Variants in GLIS3 observed in about 807,000 individuals in gnomAD.
The protein encoded by GLIS3 is zinc finger protein GLIS3.
Under a neutral mutation model 78.6 loss-of-function variants are expected in GLIS3, and 53 were observed. The ratio of observed to expected loss-of-function variants is 0.67; its 90% CI spans 0.54 to 0.85. The LOEUF is 0.85. Ranked by LOEUF, GLIS3 falls within the 40% of genes least tolerant of loss-of-function variation. GLIS3 has a pLI of 0.00. For synonymous variants in GLIS3, 684 were observed against 509.9 expected, an observed-to-expected ratio of 1.34 and a Z score of -4.60; for missense variants, 1,703 against 1,231.1, an observed-to-expected ratio of 1.38 and a Z score of -5.74.
At chr9:4,125,389 G>C (rs1008914138) in intron 3 of GLIS3, among the ~76,000 whole-genome samples, 1 of 152,104 alleles carries the variant, frequency 6.6e-6, no homozygotes, top group African/African-American at 2.4e-5. Flanking sequence ...GGTGTACATG[G>C]ACCATGCAAA....
At chr9:4,197,964 A>G in intron 2 of GLIS3, among the ~76,000 whole-genome samples, 1 of 152,292 alleles carries the variant, frequency 6.6e-6, no homozygotes, top group Non-Finnish European at 1.5e-5. Context: ...GACAAAAAGA[A>G]AGAACAAAAA....
intron 2 of GLIS3, among the ~76,000 whole-genome samples, chr9:4,200,817 C>G (rs1271706326): frequency 6.6e-6 from 1 of 152,140 alleles, no homozygotes; most frequent in African/African-American, 2.4e-5. Flanking sequence ...AGTGGAACGA[C>G]TCCTGCCTAA....
chr9:4,278,250 C>CA (rs1395769992), intron 2 of GLIS3, among the ~76,000 whole-genome samples: 1 of 152,182 alleles, frequency 6.6e-6, no homozygotes, highest in Admixed American at 6.5e-5. Flanking sequence ...AAAAGGCTTA[C>CA]AAGCAATGAC....
chr9:4,130,109 G>C (rs1832864010), intron 2 of GLIS3, among the ~76,000 whole-genome samples: 2 of 152,214 alleles, frequency 1.3e-5, no homozygotes, highest in African/African-American at 4.8e-5. Context: ...AAATTTCTAA[G>C]CAGCGAAGAG....
intron 2 of GLIS3, among the ~76,000 whole-genome samples, chr9:4,159,249 C>T (rs1342268547): frequency 6.6e-6 from 1 of 152,174 alleles, no homozygotes; most frequent in Non-Finnish European, 1.5e-5. Context: ...GATGAACCAT[C>T]TCCAGGGTCA....
At chr9:4,194,780 C>G (rs1166669012) in intron 2 of GLIS3, among the ~76,000 whole-genome samples, 1 of 152,182 alleles carries the variant, frequency 6.6e-6, no homozygotes, top group Non-Finnish European at 1.5e-5. Context: ...GCAACCCTGG[C>G]CAAGGGAGAG....
At chr9:4,073,531 G>A (rs1043896301) in intron 4 of GLIS3, among the ~76,000 whole-genome samples, 1 of 152,186 alleles carries the variant, frequency 6.6e-6, no homozygotes, top group African/African-American at 2.4e-5. Context: ...GGGTGGGACA[G>A]GTAGGCAAAG....
Position 4,286,514 on chromosome 9 carries a change from G to C in GLIS3, c.-89C>G, listed in dbSNP as rs1470577152. 2.7e-6 allele frequency: 4 copies of C among 1,482,920 alleles called. No homozygotes were observed. In the African/African-American group the frequency reaches 5.5e-5, roughly 20 times the overall value. 91.9% of individuals were successfully genotyped at this position (1,482,920 alleles called of 1,614,324 possible). Reference sequence around the variant, plus strand: ...AGTCCAATAAGTTATCCATGGTGTGGGTTATAAGCCTGTTTAAAAAAATAA... The same window carrying C: ...AGTCCAATAAGTTATCCATGGTGTGCGTTATAAGCCTGTTTAAAAAAATAA... On this transcript the variant is annotated 5_prime_UTR_variant, in exon 2 of 11. Coordinates refer to ENST00000381971, the MANE Select transcript of GLIS3 (RefSeq NM_001042413.2).
rs1818916667 is a variant in GLIS3, at chr9:3,977,842, G to A, written c.1711-40653C>T. Among the ~76,000 whole-genome samples the A allele has an allele frequency of 6.6e-6, 1 of 152,200 alleles. No homozygotes were observed. Among genetic ancestry groups the A allele is most frequent in the Non-Finnish European group, 1.5e-5 (1 of 68,032 alleles). On this transcript the variant is annotated intron_variant, in intron 4 of 10. Transcript: ENST00000381971. The surrounding 1 kb of genome is among the most constrained non-coding windows in gnomAD (Gnocchi z 4.1). The stretch of plus-strand genomic sequence containing the variant: ...ACTAGCAGTCATCACCATTTCTACA[G>A]CAGGCTGTTGCATCCAGCTGGTGAG...
chr9:4,368,161 G>A, the GLIS3 span, among the ~76,000 whole-genome samples: 1 of 152,100 alleles, frequency 6.6e-6, no homozygotes, highest in Admixed American at 6.5e-5. Context: ...CTTTTAAGTG[G>A]TGTTTTTATC....
rs189241757 is a variant in GLIS3, at chr9:3,883,782, T to C, written c.2129-4187A>G. Among the ~76,000 whole-genome samples, 382 of 152,362 alleles carry C rather than the reference T, an allele frequency of 2.5e-3. 1 individual carries two copies. The highest frequency in any genetic ancestry group is 8.8e-3 in the African/African-American group (368 of 41,588). On this transcript the variant is annotated intron_variant, in intron 7 of 10. Transcript: ENST00000381971. ...CCAGACATACCTGATGACTGGCAGC[T>C]GGAACAACTGATTAAGCACAGCAGA...
At chr9:4,206,558 T>A (rs1430658379) in intron 2 of GLIS3, among the ~76,000 whole-genome samples, 1 of 152,128 alleles carries the variant, frequency 6.6e-6, no homozygotes, top group Non-Finnish European at 1.5e-5. Context: ...ACTACAATAT[T>A]CCCTGATCTC....
At chr9:4,025,383 T>G (rs975471992) in intron 4 of GLIS3, among the ~76,000 whole-genome samples, 4 of 152,100 alleles carry the variant, frequency 2.6e-5, no homozygotes, top group Non-Finnish European at 5.9e-5. Context: ...TTGGTTGGTT[T>G]ATTTGTTTGC....
At chr9:3,923,037 A>T (rs1034767439) in intron 6 of GLIS3, among the ~76,000 whole-genome samples, 1 of 152,226 alleles carries the variant, frequency 6.6e-6, no homozygotes, top group African/African-American at 2.4e-5. Context: ...CTCTCATGAT[A>T]GCATTTTGGA....
chr9:4,053,440 A>G (rs1825883827), intron 4 of GLIS3, among the ~76,000 whole-genome samples: 2 of 152,036 alleles, frequency 1.3e-5, no homozygotes, highest in South Asian at 4.2e-4. Flanking sequence ...ATCTCTTCAC[A>G]GCACTTTCAG....
At chr9:4,294,054 C>T (rs1014794207) in intron 1 of GLIS3, among the ~76,000 whole-genome samples, 1 of 152,160 alleles carries the variant, frequency 6.6e-6, no homozygotes, top group Non-Finnish European at 1.5e-5. Flanking sequence ...CTTTTCCCTC[C>T]TCCTTTATTT....
At chr9:4,460,166 A>T in the GLIS3 span, among the ~76,000 whole-genome samples, 1 of 152,118 alleles carries the variant, frequency 6.6e-6, no homozygotes, top group Non-Finnish European at 1.5e-5. Context: ...AACAGTGGGG[A>T]ATCTCATGCT....
chr9:3,869,032 T>A (rs889504769), intron 8 of GLIS3, among the ~76,000 whole-genome samples: 12 of 152,194 alleles, frequency 7.9e-5, no homozygotes, highest in African/African-American at 2.9e-4. Context: ...GTGTCTTCCG[T>A]TAGACTGGAT....
the GLIS3 span, among the ~76,000 whole-genome samples, chr9:4,397,075 G>C: frequency 7.1e-6 from 1 of 140,738 alleles, no homozygotes; most frequent in Non-Finnish European, 1.5e-5. Flanking sequence ...TCCCAGGCTG[G>C]AGTGCAGTGG....
Sources: gnomAD v4.1 joint callset for allele counts (sites outside exome capture counted in the v4.1 genomes callset) on GRCh38, gnomAD v4.1.1 for gene constraint, Gnocchi (gnomAD v3.1) non-coding constraint, MANE v1.5 for transcripts, NCBI Gene and HGNC (gene_info 2026-07-23, HGNC 2026-07-21) for gene names.